Variants in ACBD5 observed in about 807,000 individuals in gnomAD.
ACBD5 encodes acyl-CoA-binding domain-containing protein 5.
ACBD5 carries 40 observed loss-of-function variants against 71.8 expected under a neutral mutation model. The observed-to-expected ratio is 0.56, with a 90% CI of 0.43 to 0.72. The LOEUF (loss-of-function observed/expected upper bound fraction) is 0.72, where lower values mean the gene tolerates loss of function less well. ACBD5 is among the 30% of genes least tolerant of loss of function. The pLI is 0.00. For missense variants in ACBD5, 559 were observed against 644.5 expected (o/e 0.87, Z 1.44); for synonymous variants, 229 against 218.6 (o/e 1.05, Z -0.42).
chr10:27,226,776 C>T (rs7068182), intron 4 of ACBD5, among the ~76,000 whole-genome samples: 5,266 of 151,676 alleles, frequency 0.035, 229 homozygotes, highest in East Asian at 0.11. Context: ...ATCAGCTGCC[C>T]GAGTAGCTGA....
At chr10:27,237,796 T>G (rs1236555428) in intron 2 of ACBD5, among the ~76,000 whole-genome samples, 1 of 151,534 alleles carries the variant, frequency 6.6e-6, no homozygotes, top group African/African-American at 2.4e-5. Flanking sequence ...AATTTTTGTA[T>G]TTTTAGTAGA....
At chr10:27,218,275 C>A in intron 6 of ACBD5, 92 bp from the exon 7 acceptor site, 2 of 1,030,116 alleles carry the variant, frequency 1.9e-6, no homozygotes, top group Non-Finnish European at 3.0e-6. Flanking sequence ...ATTTCCCTAA[C>A]CTACCACAAT....
At chr10:27,233,563 A>T (rs1305385153) in intron 3 of ACBD5, among the ~76,000 whole-genome samples, 4 of 151,986 alleles carry the variant, frequency 2.6e-5, no homozygotes, top group African/African-American at 4.8e-5. Context: ...GAAAAAATTT[A>T]AAAAATTAGC....
At chr10:27,194,082 C>G (rs1406969863), downstream of ACBD5, among the ~76,000 whole-genome samples, 19 of 151,520 alleles carry the variant, frequency 1.3e-4, no homozygotes, top group African/African-American at 4.6e-4. Context: ...GAAACCCTGT[C>G]TCTACTAAAA....
chr10:27,189,628 G>GGGGGGGGA (rs2058984357), intron 13 of ACBD5, among the ~76,000 whole-genome samples: 12 of 126,796 alleles, frequency 9.5e-5, no homozygotes, highest in East Asian at 2.2e-4. Context: ...GTTGTGGGGT[G>GGGGGGGGA]GGGGGGAGGG....
downstream of ACBD5, among the ~76,000 whole-genome samples, chr10:27,194,256 A>T (rs1383241907): frequency 1.5e-4 from 3 of 20,296 alleles, no homozygotes; most frequent in African/African-American, 2.5e-4. Context: ...CGTCTCAATT[A>T]AAAAAAAAAA....
At chr10:27,185,123 G>A (rs1353518515) in intron 13 of ACBD5, among the ~76,000 whole-genome samples, 4 of 152,178 alleles carry the variant, frequency 2.6e-5, no homozygotes, top group Admixed American at 1.3e-4. Context: ...GAAGGATAAG[G>A]ATGGAGCACA....
chr10:27,194,620 A>ATAATAATAATAC, downstream of ACBD5, among the ~76,000 whole-genome samples: 1 of 140,770 alleles, frequency 7.1e-6, no homozygotes, highest in Non-Finnish European at 1.5e-5. Flanking sequence ...TCAAATAATA[A>ATAATAATAATAC]TAATAATAAT....
At chr10:27,231,685 G>C in intron 4 of ACBD5, 63 bp downstream of exon 4, 1 of 1,429,556 alleles carries the variant, frequency 7.0e-7, no homozygotes, top group South Asian at 1.1e-5. Flanking sequence ...TAATTTGTCT[G>C]ATAACCAAAT....
rs1433310838 is a variant in ACBD5 at position 27,197,311 on chromosome 10, C to T, written c.*119G>A. 1.0e-6 allele frequency: 1 copy of T among 954,602 alleles called. No homozygotes were observed. The highest frequency in any genetic ancestry group is 1.7e-6 in the Non-Finnish European group (1 of 595,924). 59.1% of individuals were successfully genotyped at this position (954,602 alleles called of 1,614,324 possible). A position where few individuals can be genotyped will look rare whatever the true frequency, so the allele number is the denominator to read the frequency against. ...GTATATATGTACACAAACTAAACTA[C>T]TGGACAACAAAAAGCAATGTAATCA... On this transcript the variant is annotated 3_prime_UTR_variant, in exon 13 of 13. Transcript: ENST00000396271.
At chr10:27,197,547 A>G in intron 12 of ACBD5, 105 bp from the exon 13 acceptor site, 1 of 896,454 alleles carries the variant, frequency 1.1e-6, no homozygotes, top group Non-Finnish European at 1.8e-6. Context: ...TAAAACCATA[A>G]TATTACCAAC....
downstream of ACBD5, among the ~76,000 whole-genome samples, chr10:27,190,493 A>T (rs1246366207): frequency 1.3e-5 from 2 of 152,178 alleles, no homozygotes; most frequent in African/African-American, 4.8e-5. Flanking sequence ...ATGTACTTTA[A>T]TTTTGGGTTC....
At chr10:27,238,546 A>G (rs1295299379) in intron 2 of ACBD5, among the ~76,000 whole-genome samples, 1 of 152,232 alleles carries the variant, frequency 6.6e-6, no homozygotes, top group Admixed American at 6.5e-5. Context: ...AAATAAGTTC[A>G]TGCTTTTTTT....
chr10:27,231,632 T>C (rs1444730062), intron 4 of ACBD5, 116 bp downstream of exon 4: 1 of 871,162 alleles, frequency 1.1e-6, no homozygotes, highest in East Asian at 2.6e-5. Flanking sequence ...ATAATCTAGA[T>C]TCTATTGTAT....
chr10:27,225,804 G>A lies in ACBD5; in HGVS notation c.376-2352C>T, dbSNP rs114957879. On this transcript the variant is annotated intron_variant, in intron 4 of 12. Coordinates refer to ENST00000396271, the MANE Select transcript of ACBD5 (RefSeq NM_145698.5). ...ACCCTTTACACTATCCCACACTGCC[G>A]TAATATAAAGACTTCAGTTAGCAGA... 3.4e-3 allele frequency among the ~76,000 whole-genome samples: 520 copies of A among 151,880 alleles called. 6 individuals are homozygous for A. Among genetic ancestry groups the A allele is most frequent in the African/African-American group, 0.012 (498 of 41,406 alleles).
intron 3 of ACBD5, among the ~76,000 whole-genome samples, chr10:27,233,001 G>C (rs2064101744): frequency 6.6e-6 from 1 of 152,080 alleles, no homozygotes; most frequent in Admixed American, 6.6e-5. Context: ...CATTTAACCT[G>C]TTATTTTGTG....
At chr10:27,192,126 G>A (rs1418797719), downstream of ACBD5, among the ~76,000 whole-genome samples, 1 of 152,000 alleles carries the variant, frequency 6.6e-6, no homozygotes, top group African/African-American at 2.4e-5. Flanking sequence ...TAAAATCAAA[G>A]ATGGAAAAGG....
At chr10:27,241,035 G>A (rs1434185331), upstream of ACBD5, among the ~76,000 whole-genome samples, 1 of 152,234 alleles carries the variant, frequency 6.6e-6, no homozygotes, top group African/African-American at 2.4e-5. Context: ...GGGAAACCGA[G>A]GCCGGACCGA....
intron 9 of ACBD5, among the ~76,000 whole-genome samples, chr10:27,210,367 G>A (rs2060933566): frequency 6.6e-6 from 1 of 152,228 alleles, no homozygotes; most frequent in Non-Finnish European, 1.5e-5. Flanking sequence ...GGTGCCTGAT[G>A]CTGTTTTCAA....
Sources: allele counts gnomAD v4.1 joint callset (sites outside exome capture counted in the v4.1 genomes callset), GRCh38; gene constraint gnomAD v4.1.1; transcripts MANE v1.5; gene names NCBI Gene and HGNC (gene_info 2026-07-23, HGNC 2026-07-21).